The following LOC400499 variants were observed in gnomAD, a reference collection of about 807,000 sequenced individuals.
the LOC400499 span, among the ~76,000 whole-genome samples, chr16:11,453,459 C>G: frequency 6.6e-6 from 1 of 152,050 alleles, no homozygotes; most frequent in East Asian, 1.9e-4. Flanking sequence ...TCCGAGGCAA[C>G]AGATAAAACT....
the LOC400499 span, among the ~76,000 whole-genome samples, chr16:11,372,926 T>C: frequency 6.6e-6 from 1 of 152,220 alleles, no homozygotes; most frequent in Non-Finnish European, 1.5e-5. Context: ...ATGAGTCCCC[T>C]ACAGCTGCAG....
the LOC400499 span, among the ~76,000 whole-genome samples, chr16:11,438,239 T>C: frequency 6.6e-6 from 1 of 152,100 alleles, no homozygotes; most frequent in South Asian, 2.1e-4. Flanking sequence ...TTTCCTCCAA[T>C]CTAAGATGCC....
At chr16:11,431,711 CTGATAT>C in the LOC400499 span, among the ~76,000 whole-genome samples, 3 of 152,126 alleles carry the variant, frequency 2.0e-5, no homozygotes, top group African/African-American at 4.8e-5. Flanking sequence ...TGGCCTTGAA[CTGATAT>C]TGATATTGAT....
the LOC400499 span, among the ~76,000 whole-genome samples, chr16:11,479,859 C>T: frequency 2.6e-5 from 4 of 152,152 alleles, no homozygotes; most frequent in African/African-American, 9.7e-5. Context: ...CAAGCAAACC[C>T]CACTGCGTCT....
At chr16:11,505,642 C>T in the LOC400499 span, among the ~76,000 whole-genome samples, 2 of 151,572 alleles carry the variant, frequency 1.3e-5, no homozygotes, top group Non-Finnish European at 2.9e-5. Context: ...GATGGGCTCT[C>T]TCCCTGTGTT....
the LOC400499 span, among the ~76,000 whole-genome samples, chr16:11,508,315 T>G: frequency 6.6e-6 from 1 of 152,224 alleles, no homozygotes; most frequent in Non-Finnish European, 1.5e-5. Flanking sequence ...ATCCACCTCC[T>G]GACTTGAAAC....
chr16:11,517,335 C>T, the LOC400499 span, among the ~76,000 whole-genome samples: 67 of 152,280 alleles, frequency 4.4e-4, no homozygotes, highest in African/African-American at 1.5e-3. Context: ...TTCCACGATG[C>T]CCCTGTGCAT....
the LOC400499 span, among the ~76,000 whole-genome samples, chr16:11,382,071 G>A: frequency 2.6e-5 from 4 of 152,020 alleles, no homozygotes; most frequent in Non-Finnish European, 4.4e-5. Flanking sequence ...ATAGTTGCTG[G>A]GATTACAGGA....
At chr16:11,462,402 C>T in the LOC400499 span, 2 of 1,368,850 alleles carry the variant, frequency 1.5e-6, no homozygotes, top group Admixed American at 3.5e-5. Context: ...GACAACATCG[C>T]TAACAACCTT....
At chr16:11,390,328 G>A in the LOC400499 span, 14 of 1,233,562 alleles carry the variant, frequency 1.1e-5, no homozygotes, top group Non-Finnish European at 1.3e-5. Flanking sequence ...GATGGGCCTT[G>A]GACCCCCTTT....
chr16:11,408,778 G>A, the LOC400499 span, among the ~76,000 whole-genome samples: 1 of 152,070 alleles, frequency 6.6e-6, no homozygotes, highest in Non-Finnish European at 1.5e-5. Context: ...TTTTCTGAAG[G>A]TGGTTAATGA....
At chr16:11,476,064 G>C in the LOC400499 span, among the ~76,000 whole-genome samples, 1 of 152,102 alleles carries the variant, frequency 6.6e-6, no homozygotes, top group Non-Finnish European at 1.5e-5. Context: ...GTTCCAGACA[G>C]AGGGCACAGC....
At chr16:11,431,408 T>C in the LOC400499 span, among the ~76,000 whole-genome samples, 1 of 152,136 alleles carries the variant, frequency 6.6e-6, no homozygotes, top group African/African-American at 2.4e-5. Flanking sequence ...ATTGAGCTTT[T>C]TTTCATTTTT....
the LOC400499 span, among the ~76,000 whole-genome samples, chr16:11,449,652 G>A: frequency 2.0e-5 from 3 of 152,328 alleles, no homozygotes; most frequent in East Asian, 5.8e-4. Flanking sequence ...ACAAGACAGG[G>A]TTTGGGCGTG....
the LOC400499 span, among the ~76,000 whole-genome samples, chr16:11,395,100 G>T: frequency 6.6e-6 from 1 of 152,200 alleles, no homozygotes; most frequent in Non-Finnish European, 1.5e-5. Flanking sequence ...GGGGGCAGGG[G>T]ACGGTCTGCA....
chr16:11,391,794 T>G, the LOC400499 span: 4 of 1,232,104 alleles, frequency 3.2e-6, no homozygotes. Flanking sequence ...CTGCATGGCC[T>G]CCCGCCCCGC....
the LOC400499 span, among the ~76,000 whole-genome samples, chr16:11,418,955 C>T: frequency 6.6e-6 from 1 of 152,162 alleles, no homozygotes; most frequent in Non-Finnish European, 1.5e-5. Context: ...CACTTGAGGT[C>T]AGGAGTTTGA....
chr16:11,433,854 A>G, the LOC400499 span, among the ~76,000 whole-genome samples: 1 of 152,328 alleles, frequency 6.6e-6, no homozygotes, highest in East Asian at 1.9e-4. Context: ...CTTGCCCTAT[A>G]CCTTGCCCTA....
chr16:11,383,629 TG>T, the LOC400499 span: 61 of 1,232,222 alleles, frequency 5.0e-5, no homozygotes, highest in African/African-American at 7.7e-4. Flanking sequence ...GCTAGATGGC[TG>T]GGGCAGCTTA....
Sources: allele counts gnomAD v4.1 joint callset (sites outside exome capture counted in the v4.1 genomes callset), GRCh38; gene constraint gnomAD v4.1.1; transcripts MANE v1.5.